RPP30: variants seen among roughly 807,000 people sequenced by gnomAD.
RPP30 encodes ribonuclease P/MRP subunit p30, also known as ribonuclease P protein subunit p30.
RPP30 carries 36 observed loss-of-function variants against 38.6 expected under a neutral mutation model. That is an observed-to-expected ratio of 0.93 (90% confidence interval 0.71 to 1.23). The LOEUF (loss-of-function observed/expected upper bound fraction) is 1.23. RPP30 is among the 50% of genes most tolerant of loss of function. RPP30 has a pLI of 0.00. For missense variants in RPP30, 321 were observed against 321.7 expected (o/e 1.00, Z 0.02); for synonymous variants, 126 against 112.7 (o/e 1.12, Z -0.75).
At chr10:90,886,141 AAGGATAT>A (rs1846997530) in intron 6 of RPP30, among the ~76,000 whole-genome samples, 2 of 152,212 alleles carry the variant, frequency 1.3e-5, no homozygotes, top group Non-Finnish European at 2.9e-5. Flanking sequence ...AAAATTTATA[AAGGATAT>A]TTCTTAAGAG....
chr10:90,890,470 T>G (rs918388882), intron 6 of RPP30, among the ~76,000 whole-genome samples: 5 of 152,224 alleles, frequency 3.3e-5, no homozygotes, highest in African/African-American at 9.6e-5. Flanking sequence ...CCCTAATCCA[T>G]TTCTGTCTTC....
intron 5 of RPP30, among the ~76,000 whole-genome samples, chr10:90,885,322 C>T (rs1846985005): frequency 2.6e-5 from 4 of 152,182 alleles, no homozygotes; most frequent in Admixed American, 6.5e-5. Context: ...GTTCATATTT[C>T]TTTAGCTACT....
intron 5 of RPP30, among the ~76,000 whole-genome samples, chr10:90,885,208 G>A (rs539105447): frequency 6.6e-6 from 1 of 152,300 alleles, no homozygotes; most frequent in South Asian, 2.1e-4. Context: ...GAAATTAAAA[G>A]TTGAGAAAAT....
chr10:90,891,408 C>T (rs1202307483), intron 6 of RPP30, among the ~76,000 whole-genome samples: 3 of 152,180 alleles, frequency 2.0e-5, no homozygotes, highest in Non-Finnish European at 4.4e-5. Flanking sequence ...AATCTGACTT[C>T]ATCTTAACTA....
chr10:90,902,182 A>G lies in RPP30; in HGVS notation c.*1503A>G. 2.2e-6 allele frequency: 2 copies of G among 897,956 alleles called. No homozygotes were observed. Among genetic ancestry groups the G allele is most frequent in the Non-Finnish European group, 2.7e-6 (2 of 745,018 alleles). The allele number at this position is 897,956 out of a possible 1,614,324, so 55.6% of individuals were successfully genotyped here. A position where few individuals can be genotyped will look rare whatever the true frequency, so the allele number is the denominator to read the frequency against. ...TAAATAAAATATTGATTAAAAAAAC[A>G]TTAAAAGTGCATCATGACCAGGTGA... On this transcript the variant is annotated 3_prime_UTR_variant, in exon 11 of 11. Transcript: ENST00000371703.
At chr10:90,890,063 C>T (rs1381900391) in intron 6 of RPP30, among the ~76,000 whole-genome samples, 3 of 152,182 alleles carry the variant, frequency 2.0e-5, no homozygotes, top group Non-Finnish European at 4.4e-5. Flanking sequence ...TCTCCATATG[C>T]AGGTAATACA....
chr10:90,901,463 GGA>G lies in RPP30; in HGVS notation c.*790_*791del. On this transcript the variant is annotated 3_prime_UTR_variant, in exon 11 of 11. Coordinates refer to ENST00000371703, the MANE Select transcript of RPP30 (RefSeq NM_006413.5). ...AGAAATTGCTATAGAATTTGTGGAA[GGA>G]GAGAGGATACACATGTAAAATTACA... is the stretch of plus-strand genomic sequence containing the variant. The G allele has an allele frequency of 1.0e-6, 1 of 984,912 alleles. No homozygotes were observed. The highest frequency in any genetic ancestry group is 1.2e-6 in the Non-Finnish European group (1 of 829,546). 61.0% of individuals were successfully genotyped at this position (984,912 alleles called of 1,614,324 possible).
At chr10:90,902,421 T>C, downstream of RPP30, 2 of 266,658 alleles carry the variant, frequency 7.5e-6, no homozygotes, top group Non-Finnish European at 1.5e-5. Context: ...GGTTTTGCCA[T>C]GTCCAGGCTA....
Position 90,876,094 on chromosome 10 carries a change from T to TAA in RPP30, c.266_267insAA (p.Leu90IlefsTer2). The stretch of plus-strand genomic sequence containing the variant: ...GTCTCGGATCCATCTCACTGCAATG[T>TAA]TTTGGTAAGTTAATTATTTTTCTTC... On this transcript the variant is annotated frameshift_variant, in exon 4 of 11. Coordinates refer to ENST00000371703, the MANE Select transcript of RPP30 (RefSeq NM_006413.5). LOFTEE classifies it high-confidence loss of function. The TAA allele has an allele frequency of 1.9e-6, 3 of 1,549,068 alleles. No homozygotes were observed. The highest frequency in any genetic ancestry group is 2.7e-6 in the Non-Finnish European group (3 of 1,122,158).
downstream of RPP30, chr10:90,908,133 G>A (rs368227381): frequency 3.9e-5 from 6 of 152,146 alleles, no homozygotes; most frequent in Admixed American, 6.5e-5. Context: ...CAACAGCTAG[G>A]ATGTTGCTAT....
At chr10:90,883,560 A>C (rs1846960439) in intron 5 of RPP30, among the ~76,000 whole-genome samples, 1 of 152,204 alleles carries the variant, frequency 6.6e-6, no homozygotes, top group African/African-American at 2.4e-5. Context: ...GAAGTGTCAG[A>C]GGGAGCCATG....
At chr10:90,897,313 T>C (rs1365649359) in intron 10 of RPP30, among the ~76,000 whole-genome samples, 2 of 152,222 alleles carry the variant, frequency 1.3e-5, no homozygotes, top group Non-Finnish European at 2.9e-5. Flanking sequence ...TTGCTACATA[T>C]AGACTGAGTT....
intron 5 of RPP30, among the ~76,000 whole-genome samples, chr10:90,882,480 G>A (rs575180953): frequency 6.7e-5 from 10 of 149,818 alleles, no homozygotes; most frequent in Non-Finnish European, 8.9e-5. Flanking sequence ...TGGCTAACAC[G>A]GTGAAACCCC....
At chr10:90,894,955 A>G (rs1433562644) in intron 7 of RPP30, 64 bp downstream of exon 7, 1 of 1,098,742 alleles carries the variant, frequency 9.1e-7, no homozygotes, top group Non-Finnish European at 1.4e-6. Flanking sequence ...AGTACACTGG[A>G]ATTGTCAAAC....
downstream of RPP30, among the ~76,000 whole-genome samples, chr10:90,906,947 T>G (rs911215021): frequency 6.6e-6 from 1 of 152,138 alleles, no homozygotes; most frequent in Non-Finnish European, 1.5e-5. Flanking sequence ...ATTAAAAACT[T>G]AAAAATTTCC....
At chr10:90,900,521 A>T in intron 10 of RPP30, 49 bp from the exon 11 acceptor site, 1 of 1,564,834 alleles carries the variant, frequency 6.4e-7, no homozygotes, top group Non-Finnish European at 8.7e-7. Context: ...ACCTCATTTT[A>T]AATTATGTCT....
At chr10:90,874,817 A>C in intron 1 of RPP30, 52 bp from the exon 2 acceptor site, 1 of 1,266,788 alleles carries the variant, frequency 7.9e-7, no homozygotes. Flanking sequence ...CCTGTGTTAC[A>C]GGAAGGAGAG....
chr10:90,904,840 A>G (rs571730593), downstream of RPP30, among the ~76,000 whole-genome samples: 49 of 152,266 alleles, frequency 3.2e-4, no homozygotes, highest in Non-Finnish European at 5.9e-5. Context: ...CTATTTTATT[A>G]TTTATTACTT....
intron 1 of RPP30, among the ~76,000 whole-genome samples, chr10:90,872,383 C>T (rs1333121024): frequency 6.6e-6 from 1 of 152,184 alleles, no homozygotes; most frequent in Non-Finnish European, 1.5e-5. Context: ...GTACAATCTT[C>T]TAAGCTTCTA....
Sources: gnomAD v4.1 joint callset for allele counts (sites outside exome capture counted in the v4.1 genomes callset) on GRCh38, gnomAD v4.1.1 for gene constraint, MANE v1.5 for transcripts, NCBI Gene and HGNC (gene_info 2026-07-23, HGNC 2026-07-21) for gene names.